Variants in DGKB observed in about 807,000 individuals in gnomAD.
The protein encoded by DGKB is diacylglycerol kinase beta, also known as 90 kDa diacylglycerol kinase.
A neutral mutation model predicts 114.3 loss-of-function variants in DGKB; 67 were observed. The ratio of observed to expected loss-of-function variants is 0.59; its 90% CI spans 0.48 to 0.72. The LOEUF (loss-of-function observed/expected upper bound fraction) is 0.72. Ranked by LOEUF, DGKB falls within the 30% of genes least tolerant of loss-of-function variation. The pLI, the probability that DGKB is intolerant of heterozygous loss-of-function variation, is 0.00. For missense variants in DGKB, 907 were observed against 975.2 expected (o/e 0.93, Z 0.93); for synonymous variants, 398 against 323.1 (o/e 1.23, Z -2.49).
chr7:14,554,055 G>C (rs1389461725), intron 20 of DGKB, among the ~76,000 whole-genome samples: 2 of 151,756 alleles, frequency 1.3e-5, no homozygotes, highest in African/African-American at 4.8e-5. Flanking sequence ...GTATTTTTTA[G>C]TAGAGACGGG....
chr7:14,282,895 C>T (rs1800213716), intron 23 of DGKB, among the ~76,000 whole-genome samples: 2 of 152,116 alleles, frequency 1.3e-5, no homozygotes, highest in African/African-American at 4.8e-5. Flanking sequence ...GACAGACCCA[C>T]AGCCAATATC....
At chr7:14,332,754 G>GT (rs1809954183) in intron 23 of DGKB, among the ~76,000 whole-genome samples, 1 of 152,120 alleles carries the variant, frequency 6.6e-6, no homozygotes, top group African/African-American at 2.4e-5. Flanking sequence ...CATCAGTGGA[G>GT]TCCTTGCTGG....
At chr7:14,776,261 A>G (rs893694637) in intron 2 of DGKB, among the ~76,000 whole-genome samples, 3 of 152,210 alleles carry the variant, frequency 2.0e-5, no homozygotes, top group East Asian at 3.8e-4. Flanking sequence ...CAGCCTGATG[A>G]TGCGATAAAA....
chr7:14,377,057 T>C (rs1293605392), intron 21 of DGKB, among the ~76,000 whole-genome samples: 2 of 152,188 alleles, frequency 1.3e-5, no homozygotes, highest in Non-Finnish European at 1.5e-5. Context: ...AGTGATATGA[T>C]GTGACAGCAT....
At chr7:14,772,078 C>T (rs527753058) in intron 2 of DGKB, among the ~76,000 whole-genome samples, 16 of 152,248 alleles carry the variant, frequency 1.1e-4, no homozygotes, top group Non-Finnish European at 1.8e-4. Flanking sequence ...TCCCGCCTTT[C>T]TGAACCAAAC....
intron 1 of DGKB, among the ~76,000 whole-genome samples, chr7:14,889,467 C>T (rs1206489699): frequency 6.6e-6 from 1 of 151,530 alleles, no homozygotes; most frequent in Non-Finnish European, 1.5e-5. Context: ...TCTAAACTTC[C>T]AGTGTAGTAG....
chr7:14,922,335 CTATG>C (rs1784543647), intron 1 of DGKB, among the ~76,000 whole-genome samples: 1 of 150,726 alleles, frequency 6.6e-6, no homozygotes, highest in Non-Finnish European at 1.5e-5. Context: ...AACATGAAGA[CTATG>C]TATGTATATA....
intron 1 of DGKB, among the ~76,000 whole-genome samples, chr7:14,895,392 T>C (rs559278941): frequency 2.6e-5 from 4 of 151,542 alleles, no homozygotes; most frequent in African/African-American, 4.8e-5. Context: ...AAAAACATAA[T>C]GGAGGTTTGC....
chr7:14,480,281 T>TGG (rs371228620), intron 20 of DGKB, among the ~76,000 whole-genome samples: 50 of 152,090 alleles, frequency 3.3e-4, no homozygotes, highest in African/African-American at 1.2e-3. Context: ...ACTTGGGCAA[T>TGG]GGATCATTTA....
At chr7:14,901,966 C>A (rs1333759865) in intron 1 of DGKB, among the ~76,000 whole-genome samples, 1 of 152,092 alleles carries the variant, frequency 6.6e-6, no homozygotes, top group Non-Finnish European at 1.5e-5. Context: ...GACTGTTCAG[C>A]AAGTGGAGGA....
At chr7:14,762,283 C>T (rs906651451) in intron 2 of DGKB, among the ~76,000 whole-genome samples, 3 of 152,038 alleles carry the variant, frequency 2.0e-5, no homozygotes, top group African/African-American at 4.8e-5. Context: ...CTATACTTTA[C>T]CTTTCTATCA....
rs1195890644 is a variant in DGKB at position 14,152,168 on chromosome 7, T to C, written c.2305-2930A>G. ...GAAATAACAATGAGTAAAAATTTTA[T>C]CCCCAAAGAATTTAGAATATATTAA... On this transcript the variant is annotated intron_variant, in intron 25 of 25. Coordinates refer to ENST00000402815, the MANE Select transcript of DGKB (RefSeq NM_001350709.2). Among the ~76,000 whole-genome samples the C allele has an allele frequency of 2.0e-5, 3 of 152,060 alleles. No homozygotes were observed. In the East Asian group the frequency reaches 5.8e-4, roughly 29 times the overall value.
intron 23 of DGKB, among the ~76,000 whole-genome samples, chr7:14,248,623 G>A (rs1562736442): frequency 6.6e-6 from 1 of 151,768 alleles, no homozygotes; most frequent in African/African-American, 2.4e-5. Flanking sequence ...AAATGGAATT[G>A]TTTTTTAAAA....
intron 23 of DGKB, among the ~76,000 whole-genome samples, chr7:14,247,878 T>C (rs554029578): frequency 4.6e-5 from 7 of 152,254 alleles, no homozygotes; most frequent in African/African-American, 1.7e-4. Context: ...ATTTTTGTTT[T>C]TGTCGCCCGT....
intron 1 of DGKB, among the ~76,000 whole-genome samples, chr7:14,950,293 C>A (rs373491054): frequency 6.6e-6 from 1 of 151,652 alleles, no homozygotes; most frequent in Non-Finnish European, 1.5e-5. Context: ...TAAACTCCTA[C>A]GTTAAAAAGA....
chr7:14,310,545 C>A (rs6975607), intron 23 of DGKB, among the ~76,000 whole-genome samples: 1 of 152,202 alleles, frequency 6.6e-6, no homozygotes, highest in African/African-American at 2.4e-5. Flanking sequence ...CAACCAAAAC[C>A]AATCAAGAAT....
At chr7:14,648,176 T>G (rs1813538666) in intron 13 of DGKB, among the ~76,000 whole-genome samples, 3 of 152,340 alleles carry the variant, frequency 2.0e-5, no homozygotes, top group South Asian at 4.1e-4. Flanking sequence ...CTCTGTAGGC[T>G]CCACCTCTGG....
chr7:14,837,504 C>A (rs1195899533), intron 2 of DGKB, among the ~76,000 whole-genome samples: 1 of 152,130 alleles, frequency 6.6e-6, no homozygotes, highest in African/African-American at 2.4e-5. Context: ...TTGATATATA[C>A]CAAATATAAT....
At chr7:14,916,143 T>A (rs941422890) in intron 1 of DGKB, among the ~76,000 whole-genome samples, 1 of 151,962 alleles carries the variant, frequency 6.6e-6, no homozygotes, top group Non-Finnish European at 1.5e-5. Flanking sequence ...TGAACACAGA[T>A]TAGCTGCCAA....
Sources: allele counts gnomAD v4.1 joint callset (sites outside exome capture counted in the v4.1 genomes callset), GRCh38; gene constraint gnomAD v4.1.1; transcripts MANE v1.5; gene names NCBI Gene and HGNC (gene_info 2026-07-23, HGNC 2026-07-21).